Variants in ANKFN1 observed in about 807,000 individuals in gnomAD.
The protein encoded by ANKFN1 is ankyrin repeat and fibronectin type III domain containing 1, also known as ankyrin repeat and fibronectin type-III domain-containing protein 1.
Under a neutral mutation model 108.7 loss-of-function variants are expected in ANKFN1, and 74 were observed. That is an observed-to-expected ratio of 0.68 (90% CI 0.56 to 0.83). ANKFN1 has a LOEUF of 0.83. ANKFN1 is among the 40% of genes least tolerant of loss of function. The pLI is 0.00. For synonymous variants in ANKFN1, 547 were observed against 516.2 expected, an observed-to-expected ratio of 1.06 and a Z score of -0.81; for missense variants, 1,505 against 1,382.3, an observed-to-expected ratio of 1.09 and a Z score of -1.41.
intron 4 of ANKFN1, among the ~76,000 whole-genome samples, chr17:56,135,969 G>A (rs1907577911): frequency 6.6e-6 from 1 of 152,158 alleles, no homozygotes; most frequent in Admixed American, 6.6e-5. Context: ...AGAGATTGTA[G>A]TGGAGCATGC....
At chr17:56,073,811 G>C (rs999440910) in intron 4 of ANKFN1, among the ~76,000 whole-genome samples, 1 of 152,198 alleles carries the variant, frequency 6.6e-6, no homozygotes, top group African/African-American at 2.4e-5. Flanking sequence ...ATGTTTGTAA[G>C]TTTCATCCAC....
At chr17:56,372,555 TCAAATCA>T in intron 6 of ANKFN1, 84 bp from the exon 7 acceptor site, 1 of 1,064,440 alleles carries the variant, frequency 9.4e-7, no homozygotes, top group Non-Finnish European at 1.3e-6. Flanking sequence ...TTTTTTTTTT[TCAAATCA>T]TAGTAAACTC....
intron 8 of ANKFN1, among the ~76,000 whole-genome samples, chr17:56,415,274 T>C (rs2048210491): frequency 6.6e-6 from 1 of 152,184 alleles, no homozygotes. Context: ...ATTATCCTTG[T>C]TGGCAGGTGA....
chr17:56,151,196 G>A (rs9912454), upstream of ANKFN1, among the ~76,000 whole-genome samples: 3,687 of 152,146 alleles, frequency 0.024, 135 homozygotes, highest in African/African-American at 0.084. Flanking sequence ...ACTCACTTTG[G>A]CACCTAACAC....
At chr17:56,183,512 A>G (rs1911886461) in intron 1 of ANKFN1, among the ~76,000 whole-genome samples, 1 of 152,138 alleles carries the variant, frequency 6.6e-6, no homozygotes, top group African/African-American at 2.4e-5. Context: ...GAGTTCTCTC[A>G]AAGTTAGTTC....
chr17:56,311,867 A>C (rs1487970289), intron 3 of ANKFN1, among the ~76,000 whole-genome samples: 2 of 152,138 alleles, frequency 1.3e-5, no homozygotes, highest in Non-Finnish European at 2.9e-5. Flanking sequence ...AATCTGAAAC[A>C]CTTCTGGTCC....
chr17:56,164,558 T>C (rs1909975216), intron 1 of ANKFN1, among the ~76,000 whole-genome samples: 1 of 152,150 alleles, frequency 6.6e-6, no homozygotes, highest in Admixed American at 6.5e-5. Context: ...AGAAATGAAT[T>C]AATTAAGTGA....
chr17:56,262,358 C>T (rs902868126), intron 3 of ANKFN1, among the ~76,000 whole-genome samples: 1 of 152,146 alleles, frequency 6.6e-6, no homozygotes, highest in East Asian at 1.9e-4. Context: ...TCGCAGCCAC[C>T]CAAACACCTA....
At chr17:56,296,432 C>T (rs1456398538) in intron 3 of ANKFN1, among the ~76,000 whole-genome samples, 1 of 152,082 alleles carries the variant, frequency 6.6e-6, no homozygotes, top group African/African-American at 2.4e-5. Flanking sequence ...ACCTATAATT[C>T]TAGCACTTTG....
intron 1 of ANKFN1, among the ~76,000 whole-genome samples, chr17:56,181,599 A>C (rs139922731): frequency 1.3e-3 from 198 of 152,308 alleles, no homozygotes; most frequent in Admixed American, 4.6e-3. Flanking sequence ...ACAGCTGTAG[A>C]CCAGTCAAGT....
intron 8 of ANKFN1, among the ~76,000 whole-genome samples, chr17:56,396,378 G>GC (rs1414062119): frequency 1.3e-5 from 2 of 152,182 alleles, no homozygotes; most frequent in African/African-American, 4.8e-5. Context: ...AGCCCAGGAG[G>GC]CGGAGGTTGC....
At position 56,464,957 on chromosome 17, in the gene ANKFN1, C is replaced by T. The variant is rs551264167; in HGVS notation, c.1558-1399C>T. ...AGGCTGGAGCCAACCTGTACTGGCCCGAGAGAGCCAACTGTTAAATATTCG... is the reference window on the plus strand; with the variant it reads ...AGGCTGGAGCCAACCTGTACTGGCCTGAGAGAGCCAACTGTTAAATATTCG... On this transcript the variant is annotated intron_variant, in intron 14 of 20. Coordinates refer to ENST00000682825, the MANE Select transcript of ANKFN1 (RefSeq NM_001370326.1). Among the ~76,000 whole-genome samples the T allele has an allele frequency of 7.2e-5, 11 of 152,208 alleles. No homozygotes were observed. In the South Asian group the frequency reaches 1.0e-3, roughly 14 times the overall value.
Position 56,326,233 on chromosome 17 carries a change from A to G in ANKFN1, c.66A>G (p.Arg22=), listed in dbSNP as rs781099215. The change falls in exon 4 of 21, where the codon AGA becomes AGG. Residue 22 remains arginine, a synonymous_variant. Coordinates refer to ENST00000682825, the MANE Select transcript of ANKFN1 (RefSeq NM_001370326.1). ...ATTCTTTACACAGAATAGGAAGGAG[A>G]TTCGCTTGCTTTGCACAGAGGCTGA... The part of the protein sequence containing the change: ...HFTCSKIIGR[R]FACFAQRLSH... The G allele has an allele frequency of 1.1e-5, 18 of 1,612,320 alleles. No homozygotes were observed. The South Asian group carries it at 1.7e-4, about 15-fold the overall frequency.
chr17:56,441,659 A>G (rs1006145524), intron 9 of ANKFN1, among the ~76,000 whole-genome samples: 1 of 152,216 alleles, frequency 6.6e-6, no homozygotes. Context: ...AAAACTCTCC[A>G]TAAAGAGTTT....
At position 56,111,292 on chromosome 17, in the gene ANKFN1, C is replaced by T. The variant is rs1197046784; in HGVS notation, c.288+64967C>T. ...TCACTTTCTCCCTGGTTAACTGGACCCTGGTCTGCAGAGAATCAGATGCTC... is the reference window on the plus strand; with the variant it reads ...TCACTTTCTCCCTGGTTAACTGGACTCTGGTCTGCAGAGAATCAGATGCTC... On this transcript the variant is annotated intron_variant, in intron 4 of 12. Transcript: ENST00000635860. Among the ~76,000 whole-genome samples the T allele has an allele frequency of 3.9e-5, 6 of 152,158 alleles. 1 individual carries two copies. The highest frequency in any genetic ancestry group is 8.8e-5 in the Non-Finnish European group (6 of 68,034).
chr17:56,145,985 GT>G (rs1251764814), intron 4 of ANKFN1, among the ~76,000 whole-genome samples: 1 of 152,170 alleles, frequency 6.6e-6, no homozygotes, highest in Non-Finnish European at 1.5e-5. Flanking sequence ...AAGCAAGTTA[GT>G]TACTTCCTAG....
intron 3 of ANKFN1, among the ~76,000 whole-genome samples, chr17:56,287,070 A>G (rs2144283286): frequency 6.6e-6 from 1 of 152,246 alleles, no homozygotes; most frequent in African/African-American, 2.4e-5. Flanking sequence ...TTACAGTTGC[A>G]AGATCTTTGC....
intron 3 of ANKFN1, among the ~76,000 whole-genome samples, chr17:56,287,325 T>C (rs2332601): frequency 0.067 from 10,270 of 152,260 alleles, 882 homozygotes; most frequent in African/African-American, 0.2. Flanking sequence ...CTTTGAGTCC[T>C]GGTTCTACAG....
chr17:56,270,764 C>T (rs1024507264), intron 3 of ANKFN1, among the ~76,000 whole-genome samples: 4 of 152,156 alleles, frequency 2.6e-5, no homozygotes, highest in African/African-American at 4.8e-5. Flanking sequence ...TGAACATGTC[C>T]AGCTCATTTC....
Sources: allele counts gnomAD v4.1 joint callset (sites outside exome capture counted in the v4.1 genomes callset), GRCh38; gene constraint gnomAD v4.1.1; transcripts MANE v1.5; gene names NCBI Gene and HGNC (gene_info 2026-07-23, HGNC 2026-07-21).